The following SPAG16 variants were observed in gnomAD, a reference collection of about 807,000 sequenced individuals.
The protein encoded by SPAG16 is sperm associated antigen 16, also known as sperm-associated antigen 16 protein.
In SPAG16, 86 loss-of-function variants were observed where a neutral mutation model predicts 80.4. The observed-to-expected ratio is 1.07, with a 90% CI of 0.90 to 1.28. The LOEUF is 1.28. Ranked by LOEUF, SPAG16 falls within the 50% of genes most tolerant of loss-of-function variation. SPAG16 has a pLI of 0.00. For missense variants in SPAG16, 870 were observed against 765.3 expected, an observed-to-expected ratio of 1.14 and a Z score of -1.61; for synonymous variants, 294 against 265.9, an observed-to-expected ratio of 1.11 and a Z score of -1.03.
At chr2:214,218,075 AT>A (rs2058477109) in intron 15 of SPAG16, among the ~76,000 whole-genome samples, 1 of 152,162 alleles carries the variant, frequency 6.6e-6, no homozygotes, top group African/African-American at 2.4e-5. Context: ...GGAAATCTAC[AT>A]TTTCCAAAAC....
At chr2:213,525,678 T>C (rs549151086) in intron 10 of SPAG16, among the ~76,000 whole-genome samples, 1 of 152,272 alleles carries the variant, frequency 6.6e-6, no homozygotes, top group African/African-American at 2.4e-5. Flanking sequence ...AATCTGATAA[T>C]GTTACAATTT....
At chr2:213,381,302 G>A (rs1244435119) in intron 9 of SPAG16, among the ~76,000 whole-genome samples, 1 of 152,174 alleles carries the variant, frequency 6.6e-6, no homozygotes, top group South Asian at 2.1e-4. Context: ...TCAGATTTCT[G>A]TAGTGAACCC....
chr2:213,876,616 AAAGAG>A (rs2106008602), intron 11 of SPAG16, among the ~76,000 whole-genome samples: 1 of 152,300 alleles, frequency 6.6e-6, no homozygotes, highest in East Asian at 1.9e-4. Flanking sequence ...TAAGTCTGGA[AAAGAG>A]AAATTAATAA....
intron 10 of SPAG16, among the ~76,000 whole-genome samples, chr2:213,517,690 A>G (rs1301325187): frequency 4.6e-5 from 7 of 152,198 alleles, no homozygotes; most frequent in Non-Finnish European, 1.5e-5. Context: ...AAGGATGACA[A>G]AAACAAATGG....
chr2:213,889,045 A>AT (rs903437540), intron 11 of SPAG16, among the ~76,000 whole-genome samples: 2 of 151,888 alleles, frequency 1.3e-5, no homozygotes, highest in African/African-American at 4.8e-5. Context: ...CCTTTAAGGG[A>AT]TTTTTTTAAA....
intron 5 of SPAG16, among the ~76,000 whole-genome samples, chr2:213,324,505 A>G (rs73074953): frequency 3.3e-5 from 5 of 152,218 alleles, no homozygotes; most frequent in African/African-American, 1.2e-4. Context: ...CATAAATGGA[A>G]TCACAGTATA....
intron 10 of SPAG16, among the ~76,000 whole-genome samples, chr2:213,611,069 TC>T (rs2061426122): frequency 6.6e-6 from 1 of 152,016 alleles, no homozygotes. Context: ...CAAGATGGAG[TC>T]ACTCTGGTTC....
intron 13 of SPAG16, among the ~76,000 whole-genome samples, chr2:214,059,425 G>A (rs1019175854): frequency 6.6e-6 from 1 of 150,810 alleles, no homozygotes; most frequent in Non-Finnish European, 1.5e-5. Context: ...AGATCTCTGG[G>A]ATCTGTTTCT....
intron 15 of SPAG16, among the ~76,000 whole-genome samples, chr2:214,271,480 G>A (rs760473465): frequency 3.3e-5 from 5 of 152,186 alleles, no homozygotes; most frequent in South Asian, 2.1e-4. Flanking sequence ...AGAAAATTAT[G>A]ACTTCAAACA....
intron 15 of SPAG16, among the ~76,000 whole-genome samples, chr2:214,294,968 AG>A (rs1694034299): frequency 1.3e-5 from 2 of 152,242 alleles, no homozygotes; most frequent in Non-Finnish European, 2.9e-5. Flanking sequence ...TTATTGGAAA[AG>A]AATGATAATG....
intron 10 of SPAG16, among the ~76,000 whole-genome samples, chr2:213,668,076 G>T (rs1368034689): frequency 6.6e-6 from 1 of 151,942 alleles, no homozygotes; most frequent in Non-Finnish European, 1.5e-5. Context: ...GAATAGCTGG[G>T]ATTACAGGCA....
chr2:213,449,512 G>T (rs148796499), intron 9 of SPAG16, among the ~76,000 whole-genome samples: 2 of 152,134 alleles, frequency 1.3e-5, no homozygotes, highest in South Asian at 4.1e-4. Flanking sequence ...TGGTCCTACC[G>T]ATATGTGATG....
intron 15 of SPAG16, among the ~76,000 whole-genome samples, chr2:214,345,353 C>T (rs559085679): frequency 6.6e-6 from 1 of 152,264 alleles, no homozygotes; most frequent in East Asian, 1.9e-4. Flanking sequence ...CTTGGATGTG[C>T]TAATTCCCAT....
chr2:213,406,219 A>G (rs1285560599), intron 9 of SPAG16, among the ~76,000 whole-genome samples: 1 of 152,148 alleles, frequency 6.6e-6, no homozygotes, highest in Non-Finnish European at 1.5e-5. Context: ...CTTATTAACT[A>G]TGTGCAGTTA....
chr2:213,300,493 G>C (rs1421139296), intron 3 of SPAG16, among the ~76,000 whole-genome samples: 1 of 152,134 alleles, frequency 6.6e-6, no homozygotes, highest in Non-Finnish European at 1.5e-5. Flanking sequence ...CTACACACCT[G>C]CTGGAGGATT....
At chr2:214,127,663 A>G (rs1405087340) in intron 14 of SPAG16, among the ~76,000 whole-genome samples, 1 of 151,942 alleles carries the variant, frequency 6.6e-6, no homozygotes, top group Admixed American at 6.7e-5. Flanking sequence ...CAAATTAGCC[A>G]GGATGATTCC....
At chr2:213,368,215 G>A (rs546296745) in intron 8 of SPAG16, among the ~76,000 whole-genome samples, 5 of 152,270 alleles carry the variant, frequency 3.3e-5, no homozygotes, top group Admixed American at 2.6e-4. Context: ...TTGAAGTCAG[G>A]TAGTGTGATG....
intron 15 of SPAG16, among the ~76,000 whole-genome samples, chr2:214,301,260 A>G (rs1694531506): frequency 6.6e-6 from 1 of 151,600 alleles, no homozygotes; most frequent in African/African-American, 2.4e-5. Flanking sequence ...ATAAAATCCA[A>G]CATCCCTTCA....
intron 10 of SPAG16, among the ~76,000 whole-genome samples, chr2:213,610,558 A>G (rs1017680363): frequency 1.3e-5 from 2 of 152,126 alleles, no homozygotes; most frequent in Admixed American, 6.6e-5. Flanking sequence ...TAACCTTGCT[A>G]CAGGAAAAGG....
Sources: allele counts gnomAD v4.1 joint callset (sites outside exome capture counted in the v4.1 genomes callset), GRCh38; gene constraint gnomAD v4.1.1; transcripts MANE v1.5; gene names NCBI Gene and HGNC (gene_info 2026-07-23, HGNC 2026-07-21).